TSPEAR: variants seen among roughly 807,000 people sequenced by gnomAD.
The protein encoded by TSPEAR is thrombospondin type laminin G domain and EAR repeats.
In TSPEAR, 69 loss-of-function variants were observed where a neutral mutation model predicts 71.6. The observed-to-expected ratio is 0.96, with a 90% CI of 0.79 to 1.18. The LOEUF (loss-of-function observed/expected upper bound fraction) is 1.18, where lower values mean the gene tolerates loss of function less well. Among genes scored for constraint, TSPEAR ranks in the 50% most tolerant of loss-of-function variants. The probability of loss-of-function intolerance (pLI) is 0.00; values close to 1 mark genes in which losing one functional copy is unlikely to be tolerated. For missense variants in TSPEAR, 971 were observed against 894.9 expected (o/e 1.09, Z -1.09); for synonymous variants, 402 against 387.2 (o/e 1.04, Z -0.45).
intron 1 of TSPEAR, among the ~76,000 whole-genome samples, chr21:44,607,704 A>G (rs1981403478): frequency 6.6e-6 from 1 of 152,192 alleles, no homozygotes; most frequent in Non-Finnish European, 1.5e-5. Context: ...GATGACCAAT[A>G]CCGAGTGTCA....
At chr21:44,574,717 C>A in intron 1 of TSPEAR, 1 of 1,609,144 alleles carries the variant, frequency 6.2e-7, no homozygotes, top group Non-Finnish European at 8.5e-7. Context: ...TGCTGCGTGC[C>A]CGTCTGCTGC....
intron 9 of TSPEAR, chr21:44,519,485 G>C (rs1569160523): frequency 6.6e-6 from 1 of 152,298 alleles, no homozygotes; most frequent in Non-Finnish European, 1.5e-5. Flanking sequence ...ATGATTACTG[G>C]TCAGAGGGGC....
At chr21:44,505,529 C>T (rs768383810) in intron 10 of TSPEAR, among the ~76,000 whole-genome samples, 25 of 138,600 alleles carry the variant, frequency 1.8e-4, no homozygotes, top group Non-Finnish European at 3.1e-4. Flanking sequence ...CCTGCAAAAC[C>T]GAAGCTCTGC....
At chr21:44,703,838 G>A (rs932622399) in intron 1 of TSPEAR, among the ~76,000 whole-genome samples, 1 of 152,066 alleles carries the variant, frequency 6.6e-6, no homozygotes, top group African/African-American at 2.4e-5. Flanking sequence ...CTCCCCGCCA[G>A]AGCCGCCTCC....
intron 1 of TSPEAR, among the ~76,000 whole-genome samples, chr21:44,708,040 CACACACCA>C (rs1175062945): frequency 7.8e-6 from 1 of 128,142 alleles, no homozygotes; most frequent in South Asian, 2.7e-4. Flanking sequence ...CACACACACA[CACACACCA>C]CACAGCACGA....
At chr21:44,664,916 G>C (rs1985674034) in intron 1 of TSPEAR, among the ~76,000 whole-genome samples, 1 of 152,190 alleles carries the variant, frequency 6.6e-6, no homozygotes, top group South Asian at 2.1e-4. Context: ...TGTGCACAGG[G>C]CAGGTAGGTT....
chr21:44,704,067 AT>A (rs1987787226), intron 1 of TSPEAR, among the ~76,000 whole-genome samples: 1 of 152,172 alleles, frequency 6.6e-6, no homozygotes, highest in Admixed American at 6.5e-5. Flanking sequence ...GATGCCCTCA[AT>A]TGGGCCAGCT....
intron 1 of TSPEAR, chr21:44,666,152 G>A (rs1985744254): frequency 2.4e-6 from 1 of 421,308 alleles, no homozygotes. Flanking sequence ...ATAGCAGGGA[G>A]TATGGAAATA....
At chr21:44,647,413 T>A in intron 1 of TSPEAR, 1 of 1,570,664 alleles carries the variant, frequency 6.4e-7, no homozygotes, top group South Asian at 1.2e-5. Flanking sequence ...GATTCTCCAG[T>A]CTCAGGAGCC....
chr21:44,696,853 C>T (rs1004144569), intron 1 of TSPEAR, among the ~76,000 whole-genome samples: 1 of 151,888 alleles, frequency 6.6e-6, no homozygotes, highest in African/African-American at 2.4e-5. Flanking sequence ...GCTTCAGGAG[C>T]TAAGCTACGC....
intron 1 of TSPEAR, among the ~76,000 whole-genome samples, chr21:44,708,178 C>T (rs1361133356): frequency 1.3e-5 from 2 of 152,100 alleles, no homozygotes; most frequent in Non-Finnish European, 2.9e-5. Flanking sequence ...AGCTCAGATC[C>T]CTCCCCCAGC....
intron 1 of TSPEAR, among the ~76,000 whole-genome samples, chr21:44,597,525 T>G (rs1422675648): frequency 3.3e-5 from 5 of 151,516 alleles, no homozygotes; most frequent in Middle Eastern, 3.2e-3. Context: ...TTCCACCTCC[T>G]GGGTTCAAGC....
chr21:44,527,543 G>A (rs146474433), intron 6 of TSPEAR, 25 bp from the exon 7 acceptor site: 42 of 1,607,828 alleles, frequency 2.6e-5, no homozygotes, highest in Admixed American at 8.3e-5. Context: ...GTTGTGACTC[G>A]GTTAAGATTT....
At chr21:44,646,266 T>A (rs910376086) in intron 1 of TSPEAR, 26 of 723,242 alleles carry the variant, frequency 3.6e-5, no homozygotes, top group Non-Finnish European at 5.8e-5. Context: ...TAAACCAGCA[T>A]GAATGATGCA....
At chr21:44,609,162 GA>G (rs1555930381) in intron 1 of TSPEAR, among the ~76,000 whole-genome samples, 1 of 152,126 alleles carries the variant, frequency 6.6e-6, no homozygotes, top group Non-Finnish European at 1.5e-5. Context: ...AGAGAAGGTA[GA>G]ACAGCAACTA....
chr21:44,550,718 A>G (rs782710795), intron 2 of TSPEAR: 96 of 1,613,974 alleles, frequency 5.9e-5, no homozygotes, highest in Admixed American at 3.5e-4. Context: ...GGCCTGAGGA[A>G]AAGCTGCAGG....
intron 5 of TSPEAR, among the ~76,000 whole-genome samples, 172 bp from the exon 6 acceptor site, chr21:44,528,755 G>C (rs964555727): frequency 2.0e-5 from 3 of 152,242 alleles, no homozygotes; most frequent in African/African-American, 7.2e-5. Flanking sequence ...ACGGGGAATT[G>C]AGAACCTGGC....
chr21:44,518,362 G>A lies in TSPEAR; in HGVS notation c.1566+3521C>T, dbSNP rs587759878. On this transcript the variant is annotated intron_variant, in intron 9 of 11. Coordinates refer to ENST00000323084, the MANE Select transcript of TSPEAR (RefSeq NM_144991.3). The stretch of plus-strand genomic sequence containing the variant: ...GCTCTGGGGCACTGGGGCATCTTGA[G>A]CACCTTGGTGCAGTGTCGTGAAGAA... The A allele has an allele frequency of 3.0e-4, 133 of 449,400 alleles. 2 individuals are homozygous for A. Among genetic ancestry groups the A allele is most frequent in the South Asian group, 2.2e-3 (131 of 60,212 alleles). The allele number at this position is 449,400 out of a possible 1,614,324, so 27.8% of individuals were successfully genotyped here. A position where few individuals can be genotyped will look rare whatever the true frequency, so the allele number is the denominator to read the frequency against.
chr21:44,579,637 G>T (rs374042277), intron 1 of TSPEAR: 161 of 1,195,552 alleles, frequency 1.3e-4, no homozygotes, highest in Admixed American at 1.2e-3. Flanking sequence ...GAGTATGGAG[G>T]GGGGGGTCAC....
Sources: allele counts gnomAD v4.1 joint callset (sites outside exome capture counted in the v4.1 genomes callset), GRCh38; gene constraint gnomAD v4.1.1; transcripts MANE v1.5; gene names NCBI Gene and HGNC (gene_info 2026-07-23, HGNC 2026-07-21).